Variants in FER1L6 observed in about 807,000 individuals in gnomAD.
The protein encoded by FER1L6 is fer-1 like family member 6.
A neutral mutation model predicts 219.2 loss-of-function variants in FER1L6; 177 were observed. The ratio of observed to expected loss-of-function variants is 0.81; its 90% CI spans 0.71 to 0.91. The LOEUF is 0.91. Ranked by LOEUF, FER1L6 falls within the 40% of genes least tolerant of loss-of-function variation. The pLI, the probability that FER1L6 is intolerant of heterozygous loss-of-function variation, is 0.00. For synonymous variants in FER1L6, 768 were observed against 824.3 expected (o/e 0.93, Z 1.17); for missense variants, 2,153 against 2,259.9 (o/e 0.95, Z 0.96).
rs148957228 is a variant in FER1L6, at chr8:124,049,541, T to C, written c.2725-66T>C. The C allele has an allele frequency of 9.2e-4, 1,418 of 1,548,924 alleles. 14 individuals carry two copies. In the African/African-American group the frequency reaches 0.017, roughly 19 times the overall value. On this transcript the variant is annotated intron_variant, in intron 21 of 40. Transcript: ENST00000522917. ...AGGTTATTTTGTGGAGGTGATGGCA[T>C]TGATGTGGATCAGAACCAGGTAATT... is the stretch of plus-strand genomic sequence containing the variant.
chr8:124,047,187 A>G (rs1819775034), intron 21 of FER1L6, among the ~76,000 whole-genome samples: 1 of 152,230 alleles, frequency 6.6e-6, no homozygotes, highest in Non-Finnish European at 1.5e-5. Flanking sequence ...CAAACATTCC[A>G]AAGATCTGCA....
At chr8:123,892,520 T>C (rs1387740067) in intron 1 of FER1L6, among the ~76,000 whole-genome samples, 1 of 152,186 alleles carries the variant, frequency 6.6e-6, no homozygotes, top group Non-Finnish European at 1.5e-5. Context: ...TGCGAACTCC[T>C]GACCTTGTGA....
chr8:124,048,885 C>A (rs765635552), intron 21 of FER1L6, among the ~76,000 whole-genome samples: 59 of 152,064 alleles, frequency 3.9e-4, no homozygotes, highest in Non-Finnish European at 7.6e-4. Flanking sequence ...CCCTGCAGAT[C>A]CTTTGGAATG....
intron 12 of FER1L6, among the ~76,000 whole-genome samples, chr8:124,000,885 C>T (rs758828168): frequency 1.3e-5 from 2 of 152,114 alleles, no homozygotes; most frequent in Non-Finnish European, 2.9e-5. Context: ...AATGGAGATA[C>T]ATTTTGGGAA....
chr8:124,083,816 T>G (rs1283248917), intron 33 of FER1L6, among the ~76,000 whole-genome samples: 6 of 152,164 alleles, frequency 3.9e-5, no homozygotes, highest in Admixed American at 3.9e-4. Context: ...AGAATGTCAT[T>G]GGTATTTTGA....
At chr8:123,913,477 G>A (rs1199503961) in intron 1 of FER1L6, among the ~76,000 whole-genome samples, 1 of 152,072 alleles carries the variant, frequency 6.6e-6, no homozygotes, top group Non-Finnish European at 1.5e-5. Flanking sequence ...TTTACTTTGG[G>A]CTTTGTGGCA....
At chr8:123,941,271 G>T (rs894842913) in intron 1 of FER1L6, among the ~76,000 whole-genome samples, 1 of 152,216 alleles carries the variant, frequency 6.6e-6, no homozygotes, top group Non-Finnish European at 1.5e-5. Flanking sequence ...AGGGTACCTG[G>T]TTAGTCTGGT....
intron 33 of FER1L6, among the ~76,000 whole-genome samples, chr8:124,084,170 G>GT (rs533125494): frequency 0.04 from 5,668 of 143,024 alleles, 299 homozygotes; most frequent in African/African-American, 0.12. Context: ...GGAATCTTTA[G>GT]TTTTTTTTTT....
chr8:123,955,508 AC>A (rs1482558318), intron 1 of FER1L6, among the ~76,000 whole-genome samples: 1 of 151,984 alleles, frequency 6.6e-6, no homozygotes, highest in African/African-American at 2.4e-5. Flanking sequence ...CAGTGGTTAG[AC>A]CCTGGGCTTT....
intron 21 of FER1L6, chr8:124,046,465 T>C (rs1036047219): frequency 2.6e-5 from 4 of 152,282 alleles, no homozygotes; most frequent in African/African-American, 9.6e-5. Context: ...GCTGAACCCT[T>C]GGATAGAGTC....
chr8:123,930,349 A>ATTT (rs35908666), intron 1 of FER1L6, among the ~76,000 whole-genome samples: 69 of 151,028 alleles, frequency 4.6e-4, no homozygotes, highest in Admixed American at 1.4e-3. Flanking sequence ...CCTCCCTGAC[A>ATTT]TTTTTTTTTG....
At chr8:123,941,709 G>A (rs989856624) in intron 1 of FER1L6, among the ~76,000 whole-genome samples, 4 of 152,200 alleles carry the variant, frequency 2.6e-5, no homozygotes, top group Admixed American at 2.6e-4. Flanking sequence ...ATTCTGGGAA[G>A]AGGGGTTTGA....
rs550871262 is a variant in FER1L6, at chr8:124,069,022, C to T, written c.3719-338C>T. On this transcript the variant is annotated intron_variant, in intron 28 of 40. Transcript: ENST00000522917. ...TGCAATCTTGGCTCACTCCAAGCTC[C>T]GCCTCCCAGGTTCACACTATTCTCC... Among the ~76,000 whole-genome samples, 9 of 151,920 alleles carry T rather than the reference C, an allele frequency of 5.9e-5. No individual in the cohort carries two copies. The South Asian group carries it at 8.3e-4, about 14-fold the overall frequency.
At chr8:123,952,428 C>G (rs935976585) in intron 1 of FER1L6, among the ~76,000 whole-genome samples, 2 of 152,218 alleles carry the variant, frequency 1.3e-5, no homozygotes, top group Non-Finnish European at 2.9e-5. Context: ...TGTTTGGATA[C>G]AGATATCGGA....
intron 1 of FER1L6, among the ~76,000 whole-genome samples, chr8:123,936,500 A>G (rs1379155476): frequency 9.2e-6 from 1 of 109,026 alleles, no homozygotes; most frequent in African/African-American, 3.8e-5. Flanking sequence ...AACAGTGCTG[A>G]ATTTTCTAAG....
At chr8:123,939,403 T>C (rs1001500238) in intron 1 of FER1L6, among the ~76,000 whole-genome samples, 1 of 152,086 alleles carries the variant, frequency 6.6e-6, no homozygotes, top group Non-Finnish European at 1.5e-5. Context: ...TGGATTAGAG[T>C]GCTGTTAGGT....
chr8:124,070,379 G>C (rs1456122089), intron 29 of FER1L6, 88 bp from the exon 30 acceptor site: 4 of 1,466,502 alleles, frequency 2.7e-6, no homozygotes, highest in Non-Finnish European at 3.7e-6. Context: ...ATATATCAAG[G>C]CTGGTTTTGG....
intron 3 of FER1L6, among the ~76,000 whole-genome samples, chr8:123,965,713 T>A (rs1815506116): frequency 6.6e-6 from 1 of 152,188 alleles, no homozygotes; most frequent in Admixed American, 6.5e-5. Flanking sequence ...ATACTGATAA[T>A]CATATAAAAA....
At chr8:123,997,958 T>C (rs1817211094) in intron 12 of FER1L6, among the ~76,000 whole-genome samples, 1 of 152,226 alleles carries the variant, frequency 6.6e-6, no homozygotes, top group Non-Finnish European at 1.5e-5. Flanking sequence ...ACAGCTATTT[T>C]GATTTCTCTG....
Sources: gnomAD v4.1 joint callset for allele counts (sites outside exome capture counted in the v4.1 genomes callset) on GRCh38, gnomAD v4.1.1 for gene constraint, MANE v1.5 for transcripts, NCBI Gene and HGNC (gene_info 2026-07-23, HGNC 2026-07-21) for gene names.